The following CHODL variants were observed in gnomAD, a reference collection of about 807,000 sequenced individuals.
CHODL encodes the protein transmembrane protein MT75.
Under a neutral mutation model 34.5 loss-of-function variants are expected in CHODL, and 29 were observed. The observed-to-expected ratio is 0.84, with a 90% CI of 0.63 to 1.15. The LOEUF (loss-of-function observed/expected upper bound fraction) is 1.15. Among genes scored for constraint, CHODL ranks in the 50% most tolerant of loss-of-function variants. CHODL has a pLI of 0.00. For synonymous variants in CHODL, 125 were observed against 116.1 expected, an observed-to-expected ratio of 1.08 and a Z score of -0.49; for missense variants, 332 against 332.5, an observed-to-expected ratio of 1.00 and a Z score of 0.01.
Position 18,101,138 on chromosome 21 carries a change from T to C in CHODL, c.-45+73167T>C, listed in dbSNP as rs1208895056. Among the ~76,000 whole-genome samples, 3 of 151,156 alleles carry C rather than the reference T, an allele frequency of 2.0e-5. No individual in the cohort carries two copies. The East Asian group carries it at 5.8e-4, about 29-fold the overall frequency. On this transcript the variant is annotated intron_variant, in intron 2 of 6. Transcript: ENST00000400127. ...GGTCTTTCCTTTGCTGTTCTCATGATAGTGAATGGGTCTCACAAGATCTGA... is the reference window on the plus strand; with the variant it reads ...GGTCTTTCCTTTGCTGTTCTCATGACAGTGAATGGGTCTCACAAGATCTGA...
At chr21:18,237,820 T>G (rs771132498) in intron 2 of CHODL, among the ~76,000 whole-genome samples, 1 of 152,158 alleles carries the variant, frequency 6.6e-6, no homozygotes, top group African/African-American at 2.4e-5. Flanking sequence ...TCCCATCTAC[T>G]GTTTATTTAC....
At chr21:17,944,473 C>T (rs1020320524) in intron 1 of CHODL, among the ~76,000 whole-genome samples, 10 of 152,202 alleles carry the variant, frequency 6.6e-5, no homozygotes, top group African/African-American at 2.4e-4. Flanking sequence ...GCTCACCCTA[C>T]AGCTCCACCC....
intron 1 of CHODL, among the ~76,000 whole-genome samples, chr21:17,957,052 T>A (rs886481022): frequency 6.6e-6 from 1 of 152,128 alleles, no homozygotes; most frequent in African/African-American, 2.4e-5. Flanking sequence ...AAAGGCCTCA[T>A]CCCAAATATA....
chr21:18,182,258 G>C (rs1271794817), intron 2 of CHODL, among the ~76,000 whole-genome samples: 2 of 152,084 alleles, frequency 1.3e-5, no homozygotes, highest in African/African-American at 4.8e-5. Context: ...AAAAATTTGA[G>C]GTTCAGACAA....
intron 2 of CHODL, among the ~76,000 whole-genome samples, chr21:18,031,818 C>A (rs1328756177): frequency 6.6e-6 from 1 of 152,070 alleles, no homozygotes; most frequent in African/African-American, 2.4e-5. Flanking sequence ...CCAAAGGGAT[C>A]GATCCAATGA....
intron 1 of CHODL, among the ~76,000 whole-genome samples, chr21:17,932,732 T>G (rs2063284555): frequency 6.6e-6 from 1 of 152,204 alleles, no homozygotes; most frequent in Non-Finnish European, 1.5e-5. Flanking sequence ...AGGGGTGCGT[T>G]GCCCCTCCAC....
chr21:18,008,005 G>T (rs2063976407), intron 1 of CHODL, among the ~76,000 whole-genome samples: 2 of 152,062 alleles, frequency 1.3e-5, no homozygotes, highest in Admixed American at 6.6e-5. Flanking sequence ...CTTTGAATAA[G>T]TGCATTTGTT....
intron 1 of CHODL, among the ~76,000 whole-genome samples, chr21:17,977,649 C>T (rs574997248): frequency 2.0e-5 from 3 of 146,868 alleles, no homozygotes; most frequent in South Asian, 2.1e-4. Context: ...TGTGAATCAC[C>T]GTGCCAGGCC....
Position 18,066,715 on chromosome 21 carries a change from T to C in CHODL, c.-45+38744T>C, listed in dbSNP as rs555904856. ...TCCTAATCCTTAGTACCTCCGAATGTGACTTTATTTAGAGATAGGGTCTTT... is the reference window on the plus strand; with the variant it reads ...TCCTAATCCTTAGTACCTCCGAATGCGACTTTATTTAGAGATAGGGTCTTT... On this transcript the variant is annotated intron_variant, in intron 2 of 6. Transcript: ENST00000400127. Among the ~76,000 whole-genome samples the C allele has an allele frequency of 7.9e-5, 12 of 152,324 alleles. No homozygotes were observed. In the South Asian group the frequency reaches 2.5e-3, roughly 32 times the overall value.
At chr21:18,036,351 A>G (rs908438246) in intron 2 of CHODL, among the ~76,000 whole-genome samples, 1 of 152,004 alleles carries the variant, frequency 6.6e-6, no homozygotes, top group Non-Finnish European at 1.5e-5. Context: ...ACATGCAAAG[A>G]TTAACACTCT....
At chr21:18,151,082 C>CAAAAAAAA (rs61176066) in intron 2 of CHODL, among the ~76,000 whole-genome samples, 18 of 123,006 alleles carry the variant, frequency 1.5e-4, no homozygotes, top group East Asian at 5.5e-4. Flanking sequence ...GACTCTGTGT[C>CAAAAAAAA]AAAAAAAAAA....
At chr21:17,998,442 T>A (rs1345379043) in intron 1 of CHODL, among the ~76,000 whole-genome samples, 1 of 152,192 alleles carries the variant, frequency 6.6e-6, no homozygotes, top group Admixed American at 6.5e-5. Flanking sequence ...CACAGCTCCA[T>A]TAGGTGGTGC....
chr21:18,190,638 T>A (rs1173038792), intron 2 of CHODL, among the ~76,000 whole-genome samples: 1 of 152,184 alleles, frequency 6.6e-6, no homozygotes, highest in Non-Finnish European at 1.5e-5. Context: ...CTAATGGTAG[T>A]GTGTACAATT....
At chr21:18,077,970 A>G (rs1293929590) in intron 2 of CHODL, among the ~76,000 whole-genome samples, 2 of 152,208 alleles carry the variant, frequency 1.3e-5, no homozygotes, top group African/African-American at 4.8e-5. Context: ...GGGAGATTTA[A>G]GAGTAATTTC....
intron 1 of CHODL, among the ~76,000 whole-genome samples, chr21:17,972,523 G>C (rs2063623768): frequency 6.6e-6 from 1 of 152,114 alleles, no homozygotes; most frequent in Non-Finnish European, 1.5e-5. Context: ...GCCAAATCAT[G>C]AGTGAACTCC....
Position 17,923,548 on chromosome 21 carries a change from G to A in CHODL, c.-145+6148G>A, listed in dbSNP as rs542201612. Among the ~76,000 whole-genome samples the A allele has an allele frequency of 3.4e-5, 5 of 146,108 alleles. No homozygotes were observed. In the East Asian group the frequency reaches 8.3e-4, roughly 24 times the overall value. On this transcript the variant is annotated intron_variant, in intron 1 of 6. Coordinates refer to the CHODL transcript ENST00000400127. Reference sequence around the variant, plus strand: ...ACAATCTCGGCTCACTGCAACCTCCGCCTCCTGGGTTCAAGCAATTCTCCT... The same window carrying A: ...ACAATCTCGGCTCACTGCAACCTCCACCTCCTGGGTTCAAGCAATTCTCCT...
intron 2 of CHODL, among the ~76,000 whole-genome samples, chr21:18,232,345 GA>G (rs1257987836): frequency 1.3e-5 from 2 of 151,990 alleles, no homozygotes; most frequent in Admixed American, 6.6e-5. Flanking sequence ...GTCACTGAAT[GA>G]CAGAAATTTA....
rs186413104 is a variant in CHODL at position 17,935,575 on chromosome 21, C to G, written c.-145+18175C>G. On this transcript the variant is annotated intron_variant, in intron 1 of 6. Transcript: ENST00000400127. ...AAATAAAAATGAATAATTTAAGTGA[C>G]AAATGTCAAGAATTATCTTTTTTAA... Among the ~76,000 whole-genome samples the G allele has an allele frequency of 4.3e-4, 65 of 152,222 alleles. 1 individual carries two copies. The highest frequency in any genetic ancestry group is 2.9e-5 in the Non-Finnish European group (2 of 68,014).
chr21:18,142,254 T>C (rs979605609), intron 2 of CHODL, among the ~76,000 whole-genome samples: 1 of 152,110 alleles, frequency 6.6e-6, no homozygotes, highest in Non-Finnish European at 1.5e-5. Flanking sequence ...ACTCAGCTCA[T>C]TCATGAGAAA....
Sources: allele counts gnomAD v4.1 joint callset (sites outside exome capture counted in the v4.1 genomes callset), GRCh38; gene constraint gnomAD v4.1.1; transcripts MANE v1.5; gene names NCBI Gene and HGNC (gene_info 2026-07-23, HGNC 2026-07-21).